The following LIN7A variants were observed in gnomAD, a reference collection of about 807,000 sequenced individuals.
The protein encoded by LIN7A is protein lin-7 homolog A.
In LIN7A, 25 loss-of-function variants were observed where a neutral mutation model predicts 29.8. That is an observed-to-expected ratio of 0.84 (90% CI 0.61 to 1.17). LIN7A has a LOEUF of 1.17. LIN7A is among the 50% of genes most tolerant of loss of function. LIN7A has a pLI of 0.00. For missense variants in LIN7A, 239 were observed against 287.0 expected (o/e 0.83, Z 1.21); for synonymous variants, 118 against 107.5 (o/e 1.10, Z -0.60).
chr12:80,825,927 G>T (rs1872057407), intron 4 of LIN7A, among the ~76,000 whole-genome samples: 1 of 152,170 alleles, frequency 6.6e-6, no homozygotes, highest in Admixed American at 6.5e-5. Context: ...ACATCAGGGG[G>T]AAATACAGCA....
chr12:80,820,214 G>A (rs1871731416), intron 4 of LIN7A, among the ~76,000 whole-genome samples: 1 of 152,152 alleles, frequency 6.6e-6, no homozygotes, highest in African/African-American at 2.4e-5. Context: ...CATAATGTGA[G>A]GGAACTTGAG....
intron 2 of LIN7A, among the ~76,000 whole-genome samples, chr12:80,884,845 A>G (rs776773723): frequency 7.2e-5 from 11 of 152,156 alleles, no homozygotes; most frequent in Non-Finnish European, 1.5e-4. Context: ...TTTTGCTTCA[A>G]ACCTGCAAAT....
chr12:80,885,405 T>TATCAG (rs1875274923), intron 2 of LIN7A, among the ~76,000 whole-genome samples: 2 of 152,146 alleles, frequency 1.3e-5, no homozygotes, highest in African/African-American at 4.8e-5. Flanking sequence ...AATGTGCTCT[T>TATCAG]ATCAGCCAGC....
chr12:80,921,647 C>T (rs946372438), intron 1 of LIN7A, among the ~76,000 whole-genome samples: 1 of 151,910 alleles, frequency 6.6e-6, no homozygotes, highest in African/African-American at 2.4e-5. Flanking sequence ...TTCATGGAAA[C>T]CTAATTACCT....
At chr12:80,814,563 T>C (rs891677117) in intron 4 of LIN7A, among the ~76,000 whole-genome samples, 8 of 152,118 alleles carry the variant, frequency 5.3e-5, no homozygotes, top group African/African-American at 1.9e-4. Flanking sequence ...TGGCACTGTG[T>C]CTGCGATTCA....
chr12:80,909,044 A>C (rs1237607809), intron 1 of LIN7A, among the ~76,000 whole-genome samples: 1 of 152,140 alleles, frequency 6.6e-6, no homozygotes, highest in East Asian at 1.9e-4. Flanking sequence ...GTTTTGGACT[A>C]ACTCAACGCC....
chr12:80,837,661 C>T (rs945540854), intron 4 of LIN7A, among the ~76,000 whole-genome samples: 1 of 152,106 alleles, frequency 6.6e-6, no homozygotes, highest in Non-Finnish European at 1.5e-5. Context: ...TAAAAACCAC[C>T]GTGTGTGGTA....
intron 2 of LIN7A, among the ~76,000 whole-genome samples, chr12:80,864,634 C>A (rs1592906733): frequency 6.6e-6 from 1 of 152,024 alleles, no homozygotes. Flanking sequence ...AAAGCCCAGA[C>A]CTGAAAATGA....
At chr12:80,822,574 T>G (rs1262587507) in intron 4 of LIN7A, among the ~76,000 whole-genome samples, 1 of 151,846 alleles carries the variant, frequency 6.6e-6, no homozygotes, top group Non-Finnish European at 1.5e-5. Context: ...ACACAAAATA[T>G]AAATAAAAAT....
At position 80,847,534 on chromosome 12, in the gene LIN7A, A is replaced by C. The variant is rs567782351; in HGVS notation, c.273+717T>G. On this transcript the variant is annotated intron_variant, in intron 3 of 5. Transcript: ENST00000552864. ...GTTATTTCTTATACATTATTAGAAA[A>C]ATAAAGTATTTTTAAAAGCAAGTCA... Among the ~76,000 whole-genome samples, 14 of 152,336 alleles carry C rather than the reference A, an allele frequency of 9.2e-5. No homozygotes were observed. The East Asian group carries it at 2.7e-3, about 29-fold the overall frequency.
chr12:80,800,778 C>T (rs1271211995), intron 5 of LIN7A, among the ~76,000 whole-genome samples: 1 of 151,762 alleles, frequency 6.6e-6, no homozygotes, highest in Non-Finnish European at 1.5e-5. Flanking sequence ...AATACCAAAG[C>T]CAGACGAAGA....
At chr12:80,930,427 T>G (rs1259366130) in intron 1 of LIN7A, among the ~76,000 whole-genome samples, 1 of 152,226 alleles carries the variant, frequency 6.6e-6, no homozygotes, top group African/African-American at 2.4e-5. Context: ...TAAGGTTAAG[T>G]TCACATTTGG....
intron 4 of LIN7A, among the ~76,000 whole-genome samples, chr12:80,821,746 C>G (rs1467576477): frequency 2.0e-5 from 3 of 152,196 alleles, no homozygotes; most frequent in Admixed American, 1.3e-4. Context: ...GCCCCACCCT[C>G]TTGGGCTCAG....
intron 5 of LIN7A, among the ~76,000 whole-genome samples, chr12:80,806,497 G>T (rs1389193839): frequency 6.6e-6 from 1 of 152,062 alleles, no homozygotes; most frequent in Non-Finnish European, 1.5e-5. Flanking sequence ...ATTTACCATT[G>T]CCAGGTGCTT....
In LIN7A at chr12:80,808,654, C is replaced by T. The variant is rs550543580; in HGVS notation, c.*2811G>A. Among the ~76,000 whole-genome samples the T allele has an allele frequency of 1.8e-3, 270 of 150,716 alleles. 1 individual carries two copies. The highest frequency in any genetic ancestry group is 5.5e-3 in the African/African-American group (225 of 41,084). Reference sequence around the variant, plus strand: ...CTGAGTAGCTGGGACTACAGGCGCCCGCCACCACGCCCGGCTAATTTTTTG... The same window carrying T: ...CTGAGTAGCTGGGACTACAGGCGCCTGCCACCACGCCCGGCTAATTTTTTG... On this transcript the variant is annotated intron_variant, in intron 5 of 5. Transcript: ENST00000552864.
chr12:80,825,923 G>C (rs896623731), intron 4 of LIN7A, among the ~76,000 whole-genome samples: 3 of 152,154 alleles, frequency 2.0e-5, no homozygotes, highest in Non-Finnish European at 4.4e-5. Context: ...TAAAACATCA[G>C]GGGGAAATAC....
intron 4 of LIN7A, among the ~76,000 whole-genome samples, chr12:80,813,197 A>G (rs1244870650): frequency 6.6e-6 from 1 of 151,940 alleles, no homozygotes; most frequent in Non-Finnish European, 1.5e-5. Flanking sequence ...ATTTTTAGTA[A>G]AGACAGGGTT....
At chr12:80,898,933 G>C (rs1876052060) in intron 1 of LIN7A, among the ~76,000 whole-genome samples, 1 of 152,208 alleles carries the variant, frequency 6.6e-6, no homozygotes, top group African/African-American at 2.4e-5. Context: ...TCTGTAAACA[G>C]GGATAGTTTG....
chr12:80,811,363 T>G (rs1592852237), intron 5 of LIN7A, 102 bp downstream of exon 5: 1 of 437,756 alleles, frequency 2.3e-6, no homozygotes, highest in East Asian at 4.0e-5. Context: ...AAATATATTT[T>G]AGAACATATC....
Sources: gnomAD v4.1 joint callset for allele counts (sites outside exome capture counted in the v4.1 genomes callset) on GRCh38, gnomAD v4.1.1 for gene constraint, MANE v1.5 for transcripts, NCBI Gene and HGNC (gene_info 2026-07-23, HGNC 2026-07-21) for gene names.